Variants in MBD5 observed in about 807,000 individuals in gnomAD.
MBD5 encodes methyl-CpG-binding domain protein 5.
In MBD5, 13 loss-of-function variants were observed where a neutral mutation model predicts 117.3. That is an observed-to-expected ratio of 0.11 (90% CI 0.07 to 0.18). The LOEUF (loss-of-function observed/expected upper bound fraction) is 0.18. Ranked by LOEUF, MBD5 falls within the 10% of genes least tolerant of loss-of-function variation. The pLI is 1.00. For synonymous variants in MBD5, 727 were observed against 766.4 expected (o/e 0.95, Z 0.85); for missense variants, 1,879 against 2,093.8 (o/e 0.90, Z 2.00).
intron 11 of MBD5, among the ~76,000 whole-genome samples, chr2:148,501,277 A>G (rs1456566066): frequency 1.3e-5 from 2 of 152,218 alleles, no homozygotes; most frequent in Non-Finnish European, 2.9e-5. Flanking sequence ...TGGGGACACA[A>G]AGACAAAAGT....
chr2:148,496,664 G>C (rs1246040007), intron 11 of MBD5, among the ~76,000 whole-genome samples: 2 of 152,122 alleles, frequency 1.3e-5, no homozygotes, highest in Non-Finnish European at 2.9e-5. Flanking sequence ...ATGTGTTGTG[G>C]ATTGATATGC....
intron 2 of MBD5, among the ~76,000 whole-genome samples, chr2:148,221,742 C>T (rs188247046): frequency 9.4e-4 from 143 of 152,136 alleles, no homozygotes; most frequent in African/African-American, 3.4e-3. Context: ...CTTTGCTGTG[C>T]AGAAACTTCT....
chr2:148,369,422 G>C (rs577549991), intron 4 of MBD5, among the ~76,000 whole-genome samples: 11 of 152,176 alleles, frequency 7.2e-5, no homozygotes, highest in African/African-American at 2.2e-4. Flanking sequence ...AATTATGCAA[G>C]AGAATATCCC....
chr2:148,030,759 A>C (rs1694016820), intron 1 of MBD5, among the ~76,000 whole-genome samples: 1 of 152,212 alleles, frequency 6.6e-6, no homozygotes, highest in Non-Finnish European at 1.5e-5. Flanking sequence ...TACGTATTGA[A>C]GTAAAAAATG....
chr2:148,401,488 T>A (rs1460308950), intron 4 of MBD5, among the ~76,000 whole-genome samples: 1 of 152,140 alleles, frequency 6.6e-6, no homozygotes, highest in Non-Finnish European at 1.5e-5. Context: ...TTTCAAGAAA[T>A]CATGTGGGTC....
chr2:148,328,859 T>C (rs1702551284), intron 3 of MBD5, among the ~76,000 whole-genome samples: 1 of 152,204 alleles, frequency 6.6e-6, no homozygotes, highest in African/African-American at 2.4e-5. Flanking sequence ...GCCATCCATA[T>C]ATATCTTTTT....
intron 2 of MBD5, among the ~76,000 whole-genome samples, chr2:148,219,708 A>C (rs1234395105): frequency 6.6e-6 from 1 of 152,198 alleles, no homozygotes; most frequent in African/African-American, 2.4e-5. Flanking sequence ...AGGTGTCACT[A>C]AGTGACACTT....
chr2:148,221,799 G>T (rs1203062472), intron 2 of MBD5, among the ~76,000 whole-genome samples: 4 of 152,010 alleles, frequency 2.6e-5, no homozygotes, highest in Non-Finnish European at 4.4e-5. Context: ...GATTGCCTGT[G>T]CTCGTAGGGT....
intron 3 of MBD5, among the ~76,000 whole-genome samples, chr2:148,286,434 T>A (rs16828517): frequency 6.6e-6 from 1 of 152,090 alleles, no homozygotes; most frequent in Non-Finnish European, 1.5e-5. Flanking sequence ...TAACTTCTCA[T>A]TGATTTTAAT....
intron 4 of MBD5, among the ~76,000 whole-genome samples, chr2:148,353,491 C>T (rs972581148): frequency 6.6e-6 from 1 of 152,062 alleles, no homozygotes; most frequent in African/African-American, 2.4e-5. Flanking sequence ...CATATATTAA[C>T]AACACGCACA....
chr2:148,298,215 C>G (rs1701701198), intron 3 of MBD5, among the ~76,000 whole-genome samples: 1 of 152,200 alleles, frequency 6.6e-6, no homozygotes, highest in Non-Finnish European at 1.5e-5. Flanking sequence ...CCCCTGGCCT[C>G]TCAACTGTAC....
chr2:148,344,263 G>T (rs527619043), intron 4 of MBD5, among the ~76,000 whole-genome samples: 17,704 of 151,880 alleles, frequency 0.12, 1,345 homozygotes, highest in Non-Finnish European at 0.18. Context: ...TTTCAGATTT[G>T]TTCTTTTTGC....
chr2:148,201,481 C>G (rs1699141254), intron 2 of MBD5, among the ~76,000 whole-genome samples: 2 of 152,200 alleles, frequency 1.3e-5, no homozygotes, highest in South Asian at 2.1e-4. Flanking sequence ...ACAACTCTGT[C>G]AGCCCGGTTG....
At chr2:148,335,109 C>A (rs573936431) in intron 3 of MBD5, among the ~76,000 whole-genome samples, 44 of 152,122 alleles carry the variant, frequency 2.9e-4, no homozygotes, top group African/African-American at 1.0e-3. Flanking sequence ...AGGCAACTGA[C>A]CGGGTGCAGT....
intron 4 of MBD5, among the ~76,000 whole-genome samples, chr2:148,412,438 TGGG>T (rs1705288931): frequency 6.6e-6 from 1 of 152,062 alleles, no homozygotes; most frequent in Non-Finnish European, 1.5e-5. Context: ...TTTGGCTGTT[TGGG>T]TGCTTCTTTG....
At chr2:148,223,163 T>C (rs181684069) in intron 2 of MBD5, among the ~76,000 whole-genome samples, 1 of 152,292 alleles carries the variant, frequency 6.6e-6, no homozygotes, top group Non-Finnish European at 1.5e-5. Context: ...TTGAATTTGG[T>C]TTGCTAGTAT....
chr2:148,185,750 A>G (rs1698638321), intron 2 of MBD5, among the ~76,000 whole-genome samples: 1 of 152,164 alleles, frequency 6.6e-6, no homozygotes, highest in East Asian at 1.9e-4. Context: ...AAAAAATGTA[A>G]AAGTAAAATA....
intron 4 of MBD5, among the ~76,000 whole-genome samples, chr2:148,347,820 T>C (rs189568833): frequency 1.3e-5 from 2 of 152,094 alleles, no homozygotes; most frequent in East Asian, 3.9e-4. Context: ...TTATTTTTTA[T>C]GCTGAAAGGG....
At chr2:148,324,679 G>C (rs1480671659) in intron 3 of MBD5, among the ~76,000 whole-genome samples, 2 of 152,044 alleles carry the variant, frequency 1.3e-5, no homozygotes, top group African/African-American at 4.8e-5. Context: ...TTTGTACATT[G>C]ATTTTGTATC....
Sources: gnomAD v4.1 joint callset for allele counts (sites outside exome capture counted in the v4.1 genomes callset) on GRCh38, gnomAD v4.1.1 for gene constraint, MANE v1.5 for transcripts, NCBI Gene and HGNC (gene_info 2026-07-23, HGNC 2026-07-21) for gene names.